PER2: variants seen among roughly 807,000 people sequenced by gnomAD.
The protein encoded by PER2 is period circadian protein homolog 2.
In PER2, 66 loss-of-function variants were observed where a neutral mutation model predicts 121.0. The ratio of observed to expected loss-of-function variants is 0.55; its 90% CI spans 0.45 to 0.67. The LOEUF is 0.67. Among genes scored for constraint, PER2 ranks in the 30% least tolerant of loss-of-function variants. The probability of loss-of-function intolerance (pLI) is 0.00; values close to 1 mark genes in which losing one functional copy is unlikely to be tolerated. For synonymous variants in PER2, 684 were observed against 659.9 expected, an observed-to-expected ratio of 1.04 and a Z score of -0.56; for missense variants, 1,521 against 1,635.0, an observed-to-expected ratio of 0.93 and a Z score of 1.20.
At chr2:238,275,487 G>A (rs573880913) in intron 4 of PER2, among the ~76,000 whole-genome samples, 29 of 152,266 alleles carry the variant, frequency 1.9e-4, no homozygotes, top group Admixed American at 2.6e-4. Flanking sequence ...CCAGGAGTTC[G>A]AGACCAGCCT....
intron 5 of PER2, 99 bp from the exon 6 acceptor site, chr2:238,271,612 C>A: frequency 1.1e-6 from 1 of 883,232 alleles, no homozygotes; most frequent in South Asian, 1.4e-5. Context: ...CCACCAGGAG[C>A]GTTGGAGGTG....
In PER2 at chr2:238,258,299, A is replaced by C; in HGVS notation, c.1877T>G (p.Val626Gly). ...LRSSDKRKAT[V>G]SPGPHAGEAE... ...ACCTCCAGCGTGTGGCCCTGGGCTG[A>C]CTGTGGCCTTCCGCTTATCACTGGA... The change falls in exon 16 of 23, where the codon GTC becomes GGC. Residue 626 changes from valine to glycine, a missense_variant. By Grantham distance (109) the Val-to-Gly change is moderately radical. Coordinates refer to ENST00000254657, the MANE Select transcript of PER2 (RefSeq NM_022817.3). 6.2e-7 allele frequency: 1 copy of C among 1,614,204 alleles called. No individual in the cohort carries two copies.
At chr2:238,260,788 C>T in intron 13 of PER2, 40 bp downstream of exon 13, 1 of 1,612,998 alleles carries the variant, frequency 6.2e-7, no homozygotes. Context: ...GAGGGACATC[C>T]ACAAACTCAT....
Position 238,261,807 on chromosome 2 carries a change from G to T in PER2, c.1338C>A (p.Ala446=). The T allele has an allele frequency of 6.4e-7, 1 of 1,574,022 alleles. No homozygotes were observed. The highest frequency in any genetic ancestry group is 8.6e-7 in the Non-Finnish European group (1 of 1,158,674). ...VGPLNEDVFA[A]HPCTEEKALH... is the part of the protein sequence containing the mutation. ...GGGCCTTCTCCTCTGTGCAGGGGTG[G>T]GCTGCAAACACGTCCTCATTCAAAG... The change falls in exon 12 of 23, where the codon GCC becomes GCA. Residue 446 remains alanine, a synonymous_variant. Coordinates refer to ENST00000254657, the MANE Select transcript of PER2 (RefSeq NM_022817.3).
chr2:238,257,220 T>G (rs572360908), intron 16 of PER2, 134 bp from the exon 17 acceptor site: 3 of 702,078 alleles, frequency 4.3e-6, no homozygotes, highest in Non-Finnish European at 7.2e-6. Context: ...ATCCCACAGA[T>G]GCTCTGGCCC....
rs951973056 is a variant in PER2 at position 238,250,728 on chromosome 2, C to T, written c.3290G>A (p.Ser1097Asn). Reference protein sequence around the residue: ...SPSGAGSSDTSHTSKYFGSID... With the variant: ...SPSGAGSSDTNHTSKYFGSID... ...GCTTCCAAAATATTTGCTGGTATGA[C>T]TTGTGTCACTACTGCCTTTAAAAAC... Residue 1097 changes from serine (S) to asparagine (N), a missense_variant, in exon 21 of 23, where the codon AGT (serine) becomes AAT (asparagine). Transcript: ENST00000254657. The T allele has an allele frequency of 1.2e-6, 2 of 1,613,262 alleles. No homozygotes were observed. The highest frequency in any genetic ancestry group is 4.5e-5 in the East Asian group (2 of 44,898).
At chr2:238,272,537 T>C (rs940150620) in intron 5 of PER2, among the ~76,000 whole-genome samples, 3 of 152,236 alleles carry the variant, frequency 2.0e-5, no homozygotes, top group Non-Finnish European at 4.4e-5. Context: ...AGCTTCATGA[T>C]GGTCCCAGCA....
intron 21 of PER2, 47 bp from the exon 22 acceptor site, chr2:238,249,259 GTAT>G: frequency 1.3e-6 from 2 of 1,556,638 alleles, no homozygotes; most frequent in South Asian, 2.2e-5. Flanking sequence ...TGTCTTAAGG[GTAT>G]CTATTTTTAT....
At chr2:238,271,881 C>A (rs1696300378) in intron 5 of PER2, among the ~76,000 whole-genome samples, 1 of 152,070 alleles carries the variant, frequency 6.6e-6, no homozygotes, top group African/African-American at 2.4e-5. Flanking sequence ...CCAATCCGGG[C>A]CGGAAAGATG....
At chr2:238,283,852 C>T (rs569658073) in intron 1 of PER2, among the ~76,000 whole-genome samples, 28 of 152,316 alleles carry the variant, frequency 1.8e-4, no homozygotes, top group African/African-American at 6.7e-4. Flanking sequence ...ATCCCCACAG[C>T]CCTCCCCCAG....
upstream of PER2, among the ~76,000 whole-genome samples, chr2:238,288,806 T>A (rs1696876309): frequency 6.6e-6 from 1 of 151,686 alleles, no homozygotes; most frequent in African/African-American, 2.4e-5. Flanking sequence ...GTGGAAAACG[T>A]GACCGCGCGC....
upstream of PER2, among the ~76,000 whole-genome samples, chr2:238,288,954 C>T (rs1302317576): frequency 1.3e-5 from 2 of 152,224 alleles, no homozygotes; most frequent in Non-Finnish European, 2.9e-5. Flanking sequence ...ACATGGAACT[C>T]CATGTTCACC....
chr2:238,262,102 T>C (rs1695950956), intron 11 of PER2, 89 bp downstream of exon 11: 1 of 1,296,244 alleles, frequency 7.7e-7, no homozygotes, highest in Non-Finnish European at 1.1e-6. Flanking sequence ...TCTCAGCCCC[T>C]CCCTATGCCA....
Position 238,245,892 on chromosome 2 carries a change from T to C in PER2, c.*483A>G. ...GAGGCTGCTATCTCCATTTGGTATG[T>C]ATAAAAAAACACTCTACCTTGACTA... On this transcript the variant is annotated 3_prime_UTR_variant, in exon 23 of 23. Transcript: ENST00000254657. 2.7e-6 allele frequency: 1 copy of C among 368,836 alleles called. No individual in the cohort carries two copies. Among genetic ancestry groups the C allele is most frequent in the Non-Finnish European group, 4.8e-6 (1 of 208,386 alleles). The allele number at this position is 368,836 out of a possible 1,614,324, so 22.8% of individuals were successfully genotyped here. A position where few individuals can be genotyped will look rare whatever the true frequency, so the allele number is the denominator to read the frequency against.
intron 8 of PER2, among the ~76,000 whole-genome samples, chr2:238,265,850 C>T (rs530339181): frequency 1.1e-4 from 17 of 151,848 alleles, no homozygotes; most frequent in African/African-American, 2.4e-4. Context: ...CAAAACCACA[C>T]GGACCACGTA....
chr2:238,245,405 G>A lies in PER2; in HGVS notation c.*970C>T, dbSNP rs1695420632. 2 of 395,170 alleles carry A rather than the reference G, an allele frequency of 5.1e-6. No homozygotes were observed. Among genetic ancestry groups the A allele is most frequent in the African/African-American group, 2.1e-5 (1 of 48,574 alleles). 24.5% of individuals were successfully genotyped at this position (395,170 alleles called of 1,614,324 possible). On this transcript the variant is annotated 3_prime_UTR_variant, in exon 23 of 23. Transcript: ENST00000254657. ...CTGCACCCCTGAAAATACAGATGCA[G>A]TCGCAAGCTGTCAGACTGAGTGGCA...
intron 17 of PER2, among the ~76,000 whole-genome samples, chr2:238,256,529 A>G (rs556762696): frequency 1.3e-5 from 2 of 152,240 alleles, no homozygotes; most frequent in Non-Finnish European, 2.9e-5. Context: ...CTGTCCACAA[A>G]CAGGGAGAGC....
Position 238,253,547 on chromosome 2 carries a change from A to C in PER2, c.2476T>G (p.Leu826Val), listed in dbSNP as rs1380066942. ...PVSARPPLVG[L>V]NATAWSPSDT... ...GAGGGTGACCAGGCTGTGGCGTTCA[A>C]GCCCACCAGCGGGGGCCGGGCGGAC... The change falls in exon 19 of 23, where the codon TTG (leucine) becomes GTG (valine). Residue 826 changes from leucine (L) to valine (V), a missense_variant. Leu to Val is a conservative substitution (Grantham distance 32). Transcript: ENST00000254657. This position sits in a 1 kb window ranked among gnomAD's most constrained non-coding sequence, Gnocchi z 5.6. 1 of 1,611,290 alleles carries C rather than the reference A, an allele frequency of 6.2e-7. No individual in the cohort carries two copies. The highest frequency in any genetic ancestry group is 1.1e-5 in the South Asian group (1 of 90,814).
intron 20 of PER2, among the ~76,000 whole-genome samples, 164 bp from the exon 21 acceptor site, chr2:238,250,907 G>A (rs13408069): frequency 0.061 from 9,223 of 152,324 alleles, 973 homozygotes; most frequent in African/African-American, 0.21. Flanking sequence ...CTTCTTGAAT[G>A]CTCTGGGTAA....
Sources: allele counts gnomAD v4.1 joint callset (sites outside exome capture counted in the v4.1 genomes callset), GRCh38; gene constraint gnomAD v4.1.1; non-coding constraint Gnocchi (gnomAD v3.1); transcripts MANE v1.5; gene names NCBI Gene and HGNC (gene_info 2026-07-23, HGNC 2026-07-21).